The following SERPINE2 variants were observed in gnomAD, a reference collection of about 807,000 sequenced individuals.
SERPINE2 encodes glia-derived nexin.
Under a neutral mutation model 36.3 loss-of-function variants are expected in SERPINE2, and 14 were observed. The ratio of observed to expected loss-of-function variants is 0.39; its 90% CI spans 0.25 to 0.60. The LOEUF is 0.60. Ranked by LOEUF, SERPINE2 falls within the 20% of genes least tolerant of loss-of-function variation. The probability of loss-of-function intolerance (pLI) is 0.57; values close to 1 mark genes in which losing one functional copy is unlikely to be tolerated. For synonymous variants in SERPINE2, 192 were observed against 191.8 expected (o/e 1.00, Z -0.01); for missense variants, 418 against 499.6 (o/e 0.84, Z 1.56).
At chr2:223,995,255 AG>A (rs1690835925) in intron 3 of SERPINE2, among the ~76,000 whole-genome samples, 1 of 152,230 alleles carries the variant, frequency 6.6e-6, no homozygotes, top group Non-Finnish European at 1.5e-5. Flanking sequence ...TCTGTAGGGA[AG>A]GAACTATCAT....
At chr2:224,020,671 T>C (rs1442000444) in intron 1 of SERPINE2, among the ~76,000 whole-genome samples, 1 of 152,230 alleles carries the variant, frequency 6.6e-6, no homozygotes, top group African/African-American at 2.4e-5. Context: ...AAATCTCACA[T>C]GGATGAAATA....
At chr2:224,034,919 C>T (rs1258586397) in intron 1 of SERPINE2, among the ~76,000 whole-genome samples, 1 of 152,200 alleles carries the variant, frequency 6.6e-6, no homozygotes, top group East Asian at 1.9e-4. Flanking sequence ...TTCAGAAACT[C>T]GGGTACAACA....
Position 223,998,256 on chromosome 2 carries a change from C to T in SERPINE2, c.346G>A (p.Val116Ile), listed in dbSNP as rs80250480. The T allele has an allele frequency of 3.1e-6, 5 of 1,614,198 alleles. No homozygotes were observed. Among genetic ancestry groups the T allele is most frequent in the Non-Finnish European group, 4.2e-6 (5 of 1,180,014 alleles). The change falls in exon 3 of 9, where the codon GTT becomes ATT. Residue 116 changes from valine to isoleucine, a missense_variant. By Grantham distance (29) the Val-to-Ile change is conservative (BLOSUM62 3). Transcript: ENST00000409304. ...DIVTVANAVFVKNASEIEVPF... is the reference protein window; with the variant it reads ...DIVTVANAVFIKNASEIEVPF... ...ACTTCAATTTCAGAGGCATTCTTAA[C>T]AAACACGGCGTTAGCCACTGTCACA...
intron 1 of SERPINE2, among the ~76,000 whole-genome samples, chr2:224,005,065 T>TTTATATATATATATA: frequency 3.0e-5 from 1 of 33,578 alleles, no homozygotes; most frequent in East Asian, 6.7e-4. Flanking sequence ...TTTATATATA[T>TTTATATATATATATA]TATATATATA....
At chr2:223,998,062 C>G in intron 3 of SERPINE2, 53 bp downstream of exon 3, 1 of 1,449,436 alleles carries the variant, frequency 6.9e-7, no homozygotes, top group East Asian at 2.3e-5. Flanking sequence ...TGGAGTCTAA[C>G]TCATGCTTCA....
intron 8 of SERPINE2, among the ~76,000 whole-genome samples, chr2:223,976,442 G>A (rs970511997): frequency 2.0e-5 from 3 of 152,116 alleles, no homozygotes; most frequent in African/African-American, 2.4e-5. Flanking sequence ...ATAAGCCACC[G>A]CACCCAACCA....
chr2:224,036,014 C>G (rs926596057), intron 1 of SERPINE2, among the ~76,000 whole-genome samples: 1 of 152,076 alleles, frequency 6.6e-6, no homozygotes, highest in Admixed American at 6.6e-5. Context: ...GACAAATCTT[C>G]GCTAACAATG....
intron 8 of SERPINE2, among the ~76,000 whole-genome samples, chr2:223,976,613 G>T (rs1690019617): frequency 6.6e-6 from 1 of 152,190 alleles, no homozygotes; most frequent in Admixed American, 6.5e-5. Context: ...AATAGTAAAA[G>T]CTAAAATATA....
intron 1 of SERPINE2, among the ~76,000 whole-genome samples, chr2:224,036,477 G>A (rs1488814721): frequency 6.6e-6 from 1 of 150,754 alleles, no homozygotes; most frequent in Non-Finnish European, 1.5e-5. Flanking sequence ...ACTGGGGCCT[G>A]TGGTGGGGGG....
intron 1 of SERPINE2, among the ~76,000 whole-genome samples, chr2:224,013,513 T>C (rs931474682): frequency 1.3e-5 from 2 of 152,164 alleles, no homozygotes; most frequent in African/African-American, 4.8e-5. Flanking sequence ...CCGTTTTGCT[T>C]AGCTAAGCAG....
At chr2:223,975,948 A>T (rs773964168) in intron 8 of SERPINE2, 44 bp from the exon 9 acceptor site, 3 of 1,525,006 alleles carry the variant, frequency 2.0e-6, no homozygotes, top group South Asian at 1.2e-5. Context: ...GTAAATTAAT[A>T]ATCCTTAAAA....
Position 223,975,759 on chromosome 2 carries a change from A to G in SERPINE2, c.*108T>C. The G allele has an allele frequency of 1.1e-6, 1 of 913,400 alleles. No homozygotes were observed. The highest frequency in any genetic ancestry group is 2.1e-5 in the South Asian group (1 of 48,204). The allele number at this position is 913,400 out of a possible 1,614,324, so 56.6% of individuals were successfully genotyped here. A position where few individuals can be genotyped will look rare whatever the true frequency, so the allele number is the denominator to read the frequency against. On this transcript the variant is annotated 3_prime_UTR_variant, in exon 9 of 9. Transcript: ENST00000409304. ...CTGTTCCTAAGAACTAGTTTTGAAA[A>G]AGAAGCGATGTACAAAAATATTTAA...
intron 1 of SERPINE2, chr2:224,038,616 C>G: frequency 1.1e-6 from 1 of 946,490 alleles, no homozygotes; most frequent in Non-Finnish European, 1.7e-6. Flanking sequence ...CGCGCGTCAC[C>G]TCCCTCTGCC....
chr2:223,995,709 G>A (rs1312267340), intron 3 of SERPINE2, among the ~76,000 whole-genome samples: 1 of 152,234 alleles, frequency 6.6e-6, no homozygotes, highest in African/African-American at 2.4e-5. Context: ...CCTGTGCTTT[G>A]TTTTGTTCAG....
At chr2:224,031,922 G>A (rs1250108703) in intron 1 of SERPINE2, among the ~76,000 whole-genome samples, 1 of 152,098 alleles carries the variant, frequency 6.6e-6, no homozygotes, top group Admixed American at 6.5e-5. Context: ...AGAGAAGAAA[G>A]CCTCCAAGTC....
chr2:223,992,582 AAAG>A (rs776419201), intron 3 of SERPINE2, among the ~76,000 whole-genome samples: 7 of 152,206 alleles, frequency 4.6e-5, no homozygotes, highest in Non-Finnish European at 1.0e-4. Context: ...CTAACTGCTT[AAAG>A]AAGAAAGGAA....
Position 223,984,610 on chromosome 2 carries a change from C to T in SERPINE2, c.884+142G>A, listed in dbSNP as rs115021274. 3,056 of 747,904 alleles carry T rather than the reference C, an allele frequency of 4.1e-3. 59 individuals carry two copies. The African/African-American group carries it at 0.044, about 11-fold the overall frequency. 46.3% of individuals were successfully genotyped at this position (747,904 alleles called of 1,614,324 possible). A position where few individuals can be genotyped will look rare whatever the true frequency, so the allele number is the denominator to read the frequency against. ...AAAAGCGTTTAGAAAAGCACGGCCT[C>T]GTAATCCCACCATGAAATTTCTGCA... On this transcript the variant is annotated intron_variant, in intron 5 of 8. Coordinates refer to ENST00000409304, the MANE Select transcript of SERPINE2 (RefSeq NM_001136528.2).
In SERPINE2 at chr2:223,975,796, A is replaced by C; in HGVS notation, c.*71T>G. The C allele has an allele frequency of 8.0e-7, 1 of 1,251,250 alleles. No homozygotes were observed. Among genetic ancestry groups the C allele is most frequent in the Non-Finnish European group, 1.1e-6 (1 of 886,582 alleles). 77.5% of individuals were successfully genotyped at this position (1,251,250 alleles called of 1,614,324 possible). ...ACAAAAATATTTAACAGAACTATGA[A>C]AGATGCAGGAAAGGAGTCTTTCTTC... is the stretch of plus-strand genomic sequence containing the variant. On this transcript the variant is annotated 3_prime_UTR_variant, in exon 9 of 9. Coordinates refer to ENST00000409304, the MANE Select transcript of SERPINE2 (RefSeq NM_001136528.2).
chr2:223,988,241 C>T (rs1690517056), intron 4 of SERPINE2, among the ~76,000 whole-genome samples: 1 of 152,180 alleles, frequency 6.6e-6, no homozygotes, highest in South Asian at 2.1e-4. Context: ...GTGATCAGGG[C>T]TCACTGCATC....
Sources: gnomAD v4.1 joint callset for allele counts (sites outside exome capture counted in the v4.1 genomes callset) on GRCh38, gnomAD v4.1.1 for gene constraint, MANE v1.5 for transcripts, NCBI Gene and HGNC (gene_info 2026-07-23, HGNC 2026-07-21) for gene names.